ADAMTS12: variants seen among roughly 807,000 people sequenced by gnomAD.
The protein encoded by ADAMTS12 is ADAM metallopeptidase with thrombospondin type 1 motif 12, also known as A disintegrin and metalloproteinase with thrombospondin motifs 12.
A neutral mutation model predicts 167.8 loss-of-function variants in ADAMTS12; 118 were observed. The observed-to-expected ratio is 0.70, with a 90% CI of 0.61 to 0.82. The LOEUF (loss-of-function observed/expected upper bound fraction) is 0.82, where lower values mean the gene tolerates loss of function less well. ADAMTS12 is among the 40% of genes least tolerant of loss of function. The pLI is 0.00. For synonymous variants in ADAMTS12, 704 were observed against 716.9 expected (o/e 0.98, Z 0.29); for missense variants, 1,916 against 1,998.8 (o/e 0.96, Z 0.79).
intron 2 of ADAMTS12, among the ~76,000 whole-genome samples, chr5:33,861,675 G>C (rs1223545029): frequency 6.6e-6 from 1 of 152,156 alleles, no homozygotes; most frequent in African/African-American, 2.4e-5. Context: ...GGACCAAGCA[G>C]ACCTAATATA....
intron 3 of ADAMTS12, among the ~76,000 whole-genome samples, chr5:33,705,248 G>A (rs1329453411): frequency 6.7e-6 from 1 of 149,574 alleles, no homozygotes; most frequent in Non-Finnish European, 1.5e-5. Context: ...TCCTTTTTAT[G>A]GCCAAGTAGT....
At chr5:33,625,448 A>C (rs764980394) in intron 13 of ADAMTS12, among the ~76,000 whole-genome samples, 10 of 152,216 alleles carry the variant, frequency 6.6e-5, no homozygotes, top group Non-Finnish European at 1.0e-4. Flanking sequence ...CCCTCTAATA[A>C]GCTGACATCT....
chr5:33,719,294 C>T (rs963768880), intron 3 of ADAMTS12, among the ~76,000 whole-genome samples: 12 of 151,968 alleles, frequency 7.9e-5, no homozygotes, highest in African/African-American at 1.5e-4. Context: ...ATGAAGGGAG[C>T]GCTCTGGAGG....
chr5:33,658,975 A>G (rs991412939), intron 6 of ADAMTS12, among the ~76,000 whole-genome samples: 1 of 152,240 alleles, frequency 6.6e-6, no homozygotes, highest in African/African-American at 2.4e-5. Context: ...GATTATTTCA[A>G]TCACGGACAA....
intron 2 of ADAMTS12, among the ~76,000 whole-genome samples, chr5:33,763,721 A>AT (rs1159358693): frequency 1.3e-5 from 2 of 152,242 alleles, no homozygotes; most frequent in African/African-American, 4.8e-5. Context: ...CAAATGTTGT[A>AT]GGAAACAATG....
chr5:33,890,727 G>T lies in ADAMTS12; in HGVS notation c.127+1003C>A, dbSNP rs141313154. Reference sequence around the variant, plus strand: ...TGGGTGCATATGCGTGTGTGTGTGCGTGTGTGTCCCTATTATTGCTACAGG... The same window carrying T: ...TGGGTGCATATGCGTGTGTGTGTGCTTGTGTGTCCCTATTATTGCTACAGG... On this transcript the variant is annotated intron_variant, in intron 1 of 23. Coordinates refer to ENST00000504830, the MANE Select transcript of ADAMTS12 (RefSeq NM_030955.4). Among the ~76,000 whole-genome samples the T allele has an allele frequency of 7.2e-5, 11 of 152,286 alleles. No homozygotes were observed. In the East Asian group the frequency reaches 1.7e-3, roughly 24 times the overall value.
At chr5:33,687,194 G>A (rs1047749799) in intron 3 of ADAMTS12, among the ~76,000 whole-genome samples, 9 of 151,918 alleles carry the variant, frequency 5.9e-5, no homozygotes, top group African/African-American at 1.9e-4. Flanking sequence ...ATGTGGAAAT[G>A]AGAGATGAGG....
chr5:33,603,270 T>C (rs555907577), intron 16 of ADAMTS12, among the ~76,000 whole-genome samples: 14 of 152,304 alleles, frequency 9.2e-5, no homozygotes, highest in Non-Finnish European at 1.5e-4. Flanking sequence ...TCTCTAAAAG[T>C]GATCCTGAGC....
intron 2 of ADAMTS12, among the ~76,000 whole-genome samples, chr5:33,879,024 G>C (rs1750329479): frequency 6.6e-6 from 1 of 152,190 alleles, no homozygotes; most frequent in East Asian, 1.9e-4. Context: ...GGAGGAATGG[G>C]GGAATGGGTA....
chr5:33,539,577 T>C (rs1561110125), intron 22 of ADAMTS12, among the ~76,000 whole-genome samples: 1 of 152,190 alleles, frequency 6.6e-6, no homozygotes, highest in Non-Finnish European at 1.5e-5. Flanking sequence ...TATTTAATAT[T>C]TTCCCTTCTC....
chr5:33,661,171 C>A (rs1741244199), intron 6 of ADAMTS12, among the ~76,000 whole-genome samples: 1 of 152,204 alleles, frequency 6.6e-6, no homozygotes, highest in Admixed American at 6.5e-5. Flanking sequence ...ATTTACTTTA[C>A]CCCATTCTAA....
chr5:33,884,137 G>A (rs1036855721), intron 1 of ADAMTS12, among the ~76,000 whole-genome samples: 5 of 152,194 alleles, frequency 3.3e-5, no homozygotes, highest in Admixed American at 3.3e-4. Flanking sequence ...CTTCTATTAA[G>A]AGAAGCTCTG....
At chr5:33,833,111 A>C (rs946582032) in intron 2 of ADAMTS12, among the ~76,000 whole-genome samples, 1 of 152,226 alleles carries the variant, frequency 6.6e-6, no homozygotes, top group African/African-American at 2.4e-5. Context: ...TCCTAAGAAC[A>C]CATGGGAATT....
intron 5 of ADAMTS12, among the ~76,000 whole-genome samples, chr5:33,662,307 G>T (rs1741287352): frequency 6.6e-6 from 1 of 152,190 alleles, no homozygotes. Context: ...AGCCCTTGAA[G>T]AACATTTAAA....
chr5:33,665,666 T>C (rs569096462), intron 5 of ADAMTS12, among the ~76,000 whole-genome samples: 3 of 152,210 alleles, frequency 2.0e-5, no homozygotes, highest in Admixed American at 6.5e-5. Context: ...GTGCCAAACC[T>C]CTATTAACCT....
At chr5:33,785,498 C>T (rs1040254285) in intron 2 of ADAMTS12, among the ~76,000 whole-genome samples, 1 of 151,908 alleles carries the variant, frequency 6.6e-6, no homozygotes, top group African/African-American at 2.4e-5. Flanking sequence ...TATGCTCAAA[C>T]TCAAGACAAA....
intron 2 of ADAMTS12, among the ~76,000 whole-genome samples, chr5:33,787,009 A>C (rs778914361): frequency 7.6e-6 from 1 of 131,562 alleles, no homozygotes; most frequent in Non-Finnish European, 1.6e-5. Context: ...TCTACATATT[A>C]GTCATGAAAT....
intron 2 of ADAMTS12, among the ~76,000 whole-genome samples, chr5:33,764,064 A>G (rs917052242): frequency 6.6e-6 from 1 of 152,184 alleles, no homozygotes; most frequent in Non-Finnish European, 1.5e-5. Flanking sequence ...CTTCTTCTAT[A>G]AAACCAGATA....
chr5:33,839,297 T>C (rs1366622292), intron 2 of ADAMTS12, among the ~76,000 whole-genome samples: 2 of 152,246 alleles, frequency 1.3e-5, no homozygotes, highest in Admixed American at 1.3e-4. Flanking sequence ...GTGTGTGCTA[T>C]TATTAGCAGA....
Sources: gnomAD v4.1 joint callset for allele counts (sites outside exome capture counted in the v4.1 genomes callset) on GRCh38, gnomAD v4.1.1 for gene constraint, MANE v1.5 for transcripts, NCBI Gene and HGNC (gene_info 2026-07-23, HGNC 2026-07-21) for gene names.